The following SLC12A6 variants were observed in gnomAD, a reference collection of about 807,000 sequenced individuals.
SLC12A6 encodes K-Cl cotransporter 3.
SLC12A6 carries 66 observed loss-of-function variants against 135.3 expected under a neutral mutation model. That is an observed-to-expected ratio of 0.49 (90% CI 0.40 to 0.60). SLC12A6 has a LOEUF of 0.60. Among genes scored for constraint, SLC12A6 ranks in the 20% least tolerant of loss-of-function variants. The pLI, the probability that SLC12A6 is intolerant of heterozygous loss-of-function variation, is 0.00. For synonymous variants in SLC12A6, 513 were observed against 508.8 expected (o/e 1.01, Z -0.11); for missense variants, 1,058 against 1,452.3 (o/e 0.73, Z 4.41).
chr15:34,318,928 T>C (rs1888853990), intron 2 of SLC12A6: 1 of 863,884 alleles, frequency 1.2e-6, no homozygotes, highest in Admixed American at 3.2e-5. Context: ...TTGCTTATTG[T>C]TATTAACCTG....
intron 3 of SLC12A6, among the ~76,000 whole-genome samples, chr15:34,267,615 A>C (rs1893616178): frequency 6.6e-6 from 1 of 152,210 alleles, no homozygotes; most frequent in African/African-American, 2.4e-5. Flanking sequence ...TTGGGAGGCC[A>C]TGGCAGGAGG....
Position 34,270,944 on chromosome 15 carries a change from A to G in SLC12A6, c.316+4401T>C, listed in dbSNP as rs1893887537. ...GGTGGAAGGCCCCTCTTCACAGGGC[A>G]GCAGGAGAGAGAATGAGTGCAAGGA... is the stretch of plus-strand genomic sequence containing the variant. On this transcript the variant is annotated intron_variant, in intron 3 of 25. Coordinates refer to ENST00000354181, the MANE Select transcript of SLC12A6 (RefSeq NM_001365088.1). Among the ~76,000 whole-genome samples the G allele has an allele frequency of 2.0e-5, 3 of 152,250 alleles. No homozygotes were observed. The South Asian group carries it at 6.2e-4, about 32-fold the overall frequency.
chr15:34,275,370 G>A lies in SLC12A6; in HGVS notation c.291C>T (p.Ile97=). The A allele has an allele frequency of 6.5e-7, 1 of 1,545,210 alleles. No individual in the cohort carries two copies. The highest frequency in any genetic ancestry group is 1.1e-5 in the South Asian group (1 of 89,508). Residue 97 remains isoleucine, a synonymous_variant, in exon 3 of 26, where the codon ATC becomes ATT. Coordinates refer to ENST00000354181, the MANE Select transcript of SLC12A6 (RefSeq NM_001365088.1). ...CTAACAGTTGGCTGTGTTCCCCTGTGATGGAGTTCTGACTCAGGTCTGAAA... is the reference window on the plus strand; with the variant it reads ...CTAACAGTTGGCTGTGTTCCCCTGTAATGGAGTTCTGACTCAGGTCTGAAA... ...DVIEDLSQNS[I]TGEHSQLLDD...
At chr15:34,238,492 C>T (rs1037051695) in intron 20 of SLC12A6, 91 bp from the exon 21 acceptor site, 3 of 972,458 alleles carry the variant, frequency 3.1e-6, no homozygotes, top group African/African-American at 1.6e-5. Context: ...TCTTTTCACA[C>T]TTCTTTGAGC....
chr15:34,332,984 AC>A (rs1267670826), intron 2 of SLC12A6, among the ~76,000 whole-genome samples: 2 of 152,082 alleles, frequency 1.3e-5, no homozygotes, highest in African/African-American at 4.8e-5. Context: ...TCTACAAATA[AC>A]CATCTCTATA....
intron 2 of SLC12A6, among the ~76,000 whole-genome samples, chr15:34,309,085 A>G (rs1887970064): frequency 6.6e-6 from 1 of 152,170 alleles, no homozygotes; most frequent in Admixed American, 6.5e-5. Flanking sequence ...TAAGCCACAA[A>G]CCAGTGCCTG....
intron 3 of SLC12A6, among the ~76,000 whole-genome samples, chr15:34,264,733 G>A (rs948302743): frequency 4.6e-5 from 7 of 152,130 alleles, no homozygotes; most frequent in Non-Finnish European, 1.0e-4. Flanking sequence ...GAAAAATTAG[G>A]TAGGGTCTTC....
chr15:34,255,122 C>T, intron 8 of SLC12A6, 140 bp downstream of exon 8: 1 of 771,122 alleles, frequency 1.3e-6, no homozygotes. Flanking sequence ...ACCTCATATT[C>T]ATGTAAGAGG....
chr15:34,305,462 G>C (rs1490275967), intron 2 of SLC12A6, among the ~76,000 whole-genome samples: 1 of 141,448 alleles, frequency 7.1e-6, no homozygotes, highest in Non-Finnish European at 1.5e-5. Context: ...GTCAATAATT[G>C]TTCATACTCA....
At position 34,243,982 on chromosome 15, in the gene SLC12A6, G is replaced by A. The variant is rs771770143; in HGVS notation, c.2034C>T (p.Tyr678=). The A allele has an allele frequency of 1.9e-6, 3 of 1,568,220 alleles. No individual in the cohort carries two copies. The highest frequency in any genetic ancestry group is 1.1e-5 in the South Asian group (1 of 90,116). The part of the protein sequence containing the change: ...RTPNWRPRFR[Y]YHWALSFMGM... ...AAAAGAAGCAGACTTACCAATGGTA[G>A]TAGCGGAATCGGGGTCTCCAGTTGG... The change falls in exon 16 of 26, where the codon TAC becomes TAT. Residue 678 remains tyrosine (Y), a synonymous_variant. Transcript: ENST00000354181.
At chr15:34,326,859 T>A (rs911477216) in intron 2 of SLC12A6, among the ~76,000 whole-genome samples, 2 of 54,690 alleles carry the variant, frequency 3.7e-5, no homozygotes, top group Non-Finnish European at 6.6e-5. Context: ...AACTGGCTGC[T>A]TTTTTTTTTT....
chr15:34,327,622 C>A (rs347833), intron 2 of SLC12A6, among the ~76,000 whole-genome samples: 39,132 of 151,120 alleles, frequency 0.26, 7,173 homozygotes, highest in African/African-American at 0.52. Context: ...CGCATCACTG[C>A]ACTACAGCCT....
chr15:34,328,002 G>A lies in SLC12A6; in HGVS notation c.271+8408C>T, dbSNP rs150143329. 2.1e-3 allele frequency among the ~76,000 whole-genome samples: 324 copies of A among 151,986 alleles called. 3 individuals carry two copies. The highest frequency in any genetic ancestry group is 7.4e-3 in the African/African-American group (308 of 41,476). On this transcript the variant is annotated intron_variant, in intron 2 of 25. Coordinates refer to ENST00000354181, the MANE Select transcript of SLC12A6 (RefSeq NM_001365088.1). ...TCAAGGCCACGACAAATATAATGAG[G>A]ATTAGCAATGCCGTAATAAAACTAC...
chr15:34,309,423 A>G (rs1887991266), intron 2 of SLC12A6, among the ~76,000 whole-genome samples: 1 of 152,174 alleles, frequency 6.6e-6, no homozygotes, highest in South Asian at 2.1e-4. Context: ...TTTTATCTTT[A>G]TAGAATTAAA....
chr15:34,317,335 C>T (rs896357939), intron 2 of SLC12A6, among the ~76,000 whole-genome samples: 3 of 152,136 alleles, frequency 2.0e-5, no homozygotes, highest in East Asian at 3.8e-4. Context: ...GATAACCAAC[C>T]GCTATTGACA....
intron 2 of SLC12A6, among the ~76,000 whole-genome samples, chr15:34,334,319 G>A (rs371761239): frequency 5.3e-5 from 8 of 152,290 alleles, no homozygotes; most frequent in African/African-American, 1.9e-4. Context: ...TGAGCTTAAG[G>A]AGAGTCAACT....
Position 34,254,578 on chromosome 15 carries a change from G to C in SLC12A6, c.888C>G (p.Val296=), listed in dbSNP as rs143479723. Residue 296 remains valine (V), a synonymous_variant, in exon 9 of 26, where the codon GTC becomes GTG. Transcript: ENST00000354181. ...CACTGTGAAAGATGGCAGCTCGGGGGACGATATAGACCTGTTAGGTAAAAA... is the reference window on the plus strand; with the variant it reads ...CACTGTGAAAGATGGCAGCTCGGGGCACGATATAGACCTGTTAGGTAAAAA... ...GAIEIFLVYI[V]PRAAIFHSDD... is the part of the protein sequence containing the mutation. The C allele has an allele frequency of 1.2e-6, 2 of 1,604,936 alleles. No individual in the cohort carries two copies. Among genetic ancestry groups the C allele is most frequent in the African/African-American group, 1.3e-5 (1 of 74,728 alleles).
intron 2 of SLC12A6, among the ~76,000 whole-genome samples, chr15:34,307,740 T>C (rs1478135050): frequency 2.0e-5 from 3 of 152,140 alleles, no homozygotes; most frequent in Non-Finnish European, 4.4e-5. Context: ...TTTTTTACTG[T>C]AGGCAGGAAA....
intron 4 of SLC12A6, among the ~76,000 whole-genome samples, chr15:34,259,425 G>A (rs1007655714): frequency 8.6e-5 from 13 of 151,910 alleles, no homozygotes; most frequent in African/African-American, 3.1e-4. Flanking sequence ...CAAGGCAGAA[G>A]GATCGCTTGA....
Sources: gnomAD v4.1 joint callset for allele counts (sites outside exome capture counted in the v4.1 genomes callset) on GRCh38, gnomAD v4.1.1 for gene constraint, MANE v1.5 for transcripts, NCBI Gene and HGNC (gene_info 2026-07-23, HGNC 2026-07-21) for gene names.